FLT1: variants seen among roughly 807,000 people sequenced by gnomAD.
FLT1 encodes fms related receptor tyrosine kinase 1, also known as vascular endothelial growth factor receptor 1.
A neutral mutation model predicts 156.3 loss-of-function variants in FLT1; 49 were observed. The observed-to-expected ratio is 0.31, with a 90% CI of 0.25 to 0.40. The LOEUF is 0.40. Ranked by LOEUF, FLT1 falls within the 10% of genes least tolerant of loss-of-function variation. The pLI is 1.00. For synonymous variants in FLT1, 594 were observed against 583.8 expected (o/e 1.02, Z -0.25); for missense variants, 1,322 against 1,637.2 (o/e 0.81, Z 3.32).
At chr13:28,483,225 T>C (rs2137659242) in intron 1 of FLT1, among the ~76,000 whole-genome samples, 1 of 152,326 alleles carries the variant, frequency 6.6e-6, no homozygotes, top group East Asian at 1.9e-4. Flanking sequence ...AGATGCAGTG[T>C]TGTTGCCAGA....
intron 16 of FLT1, among the ~76,000 whole-genome samples, chr13:28,340,805 G>A (rs534866983): frequency 1.1e-4 from 16 of 152,336 alleles, no homozygotes; most frequent in African/African-American, 3.6e-4. Context: ...GCTCAAGGCA[G>A]AAAGGTTTGC....
chr13:28,311,859 A>G (rs1378614025), intron 26 of FLT1, 127 bp from the exon 27 acceptor site: 2 of 1,111,902 alleles, frequency 1.8e-6, no homozygotes, highest in Non-Finnish European at 2.7e-6. Flanking sequence ...ATAATTCTGT[A>G]TACACACACA....
intron 1 of FLT1, among the ~76,000 whole-genome samples, chr13:28,471,000 A>C (rs1000494696): frequency 8.5e-5 from 13 of 152,118 alleles, no homozygotes; most frequent in African/African-American, 3.1e-4. Flanking sequence ...AAGAAGTGCT[A>C]TTTAGAGAAG....
At chr13:28,460,665 C>T (rs1400748658) in intron 3 of FLT1, among the ~76,000 whole-genome samples, 1 of 138,430 alleles carries the variant, frequency 7.2e-6, no homozygotes, top group Non-Finnish European at 1.6e-5. Flanking sequence ...CCCCCCACCC[C>T]ACCCCCCCAA....
chr13:28,329,065 C>G (rs1871814934), intron 19 of FLT1, among the ~76,000 whole-genome samples: 1 of 152,188 alleles, frequency 6.6e-6, no homozygotes, highest in South Asian at 2.1e-4. Flanking sequence ...CTTGCTGGCT[C>G]AAACAATGAT....
At chr13:28,443,621 A>G in intron 3 of FLT1, among the ~76,000 whole-genome samples, 1 of 152,154 alleles carries the variant, frequency 6.6e-6, no homozygotes. Context: ...GGAGGGTATG[A>G]TTTTCATTTA....
intron 28 of FLT1, chr13:28,308,225 G>C (rs1308558399): frequency 1.3e-5 from 2 of 158,908 alleles, no homozygotes; most frequent in African/African-American, 4.8e-5. Flanking sequence ...AGATCACAGT[G>C]AGTCCCAGAG....
chr13:28,451,584 C>G (rs1278306519), intron 3 of FLT1, among the ~76,000 whole-genome samples: 1 of 151,144 alleles, frequency 6.6e-6, no homozygotes, highest in Non-Finnish European at 1.5e-5. Flanking sequence ...AGGACAGCCC[C>G]GATGCATTCC....
At chr13:28,335,138 A>G (rs1167848152) in intron 17 of FLT1, among the ~76,000 whole-genome samples, 1 of 152,172 alleles carries the variant, frequency 6.6e-6, no homozygotes, top group Non-Finnish European at 1.5e-5. Flanking sequence ...CCTTTTGCAC[A>G]TCAGGAAACA....
At chr13:28,491,016 A>C (rs1593854358) in intron 1 of FLT1, among the ~76,000 whole-genome samples, 1 of 152,204 alleles carries the variant, frequency 6.6e-6, no homozygotes, top group Non-Finnish European at 1.5e-5. Context: ...AGCACTACAG[A>C]AGCTACTTAC....
At chr13:28,492,799 G>C (rs1054163089) in intron 1 of FLT1, among the ~76,000 whole-genome samples, 1 of 152,196 alleles carries the variant, frequency 6.6e-6, no homozygotes, top group Admixed American at 6.5e-5. Context: ...TGAGATGCTT[G>C]TTAACCAGAC....
rs58958637 is a variant in FLT1 at position 28,303,503 on chromosome 13, C to CA, written c.3816-136_3816-135insT. 6.1e-5 allele frequency: 46 copies of CA among 760,118 alleles called. No individual in the cohort carries two copies. In the East Asian group the frequency reaches 7.2e-4, roughly 12 times the overall value. 47.1% of individuals were successfully genotyped at this position (760,118 alleles called of 1,614,324 possible). On this transcript the variant is annotated intron_variant, in intron 29 of 29. Transcript: ENST00000282397. Reference sequence around the variant, plus strand: ...TTCATGGTTTTGGAACCCCCCCCCCCTCAATTGCTGTCAGATTTCCTCTGT... The same window carrying CA: ...TTCATGGTTTTGGAACCCCCCCCCCCATCAATTGCTGTCAGATTTCCTCTGT...
At chr13:28,319,274 A>G in intron 24 of FLT1, 149 bp downstream of exon 24, 2 of 677,316 alleles carry the variant, frequency 3.0e-6, no homozygotes, top group Non-Finnish European at 5.4e-6. Context: ...GCCATTACTC[A>G]TCTGAGAGTC....
chr13:28,448,452 T>C (rs1434680457), intron 3 of FLT1, among the ~76,000 whole-genome samples: 2 of 152,244 alleles, frequency 1.3e-5, no homozygotes. Context: ...TGCTGATACA[T>C]GCATGATACA....
intron 10 of FLT1, among the ~76,000 whole-genome samples, chr13:28,414,337 A>G (rs1290524195): frequency 6.6e-6 from 1 of 152,222 alleles, no homozygotes; most frequent in South Asian, 2.1e-4. Flanking sequence ...CTGCTTAGTT[A>G]TGTATTGTCC....
chr13:28,491,227 G>A (rs954569932), intron 1 of FLT1, among the ~76,000 whole-genome samples: 1 of 152,036 alleles, frequency 6.6e-6, no homozygotes, highest in Admixed American at 6.5e-5. Flanking sequence ...GAAATGTCTC[G>A]ATCATTTTTG....
intron 12 of FLT1, among the ~76,000 whole-genome samples, chr13:28,393,319 T>C (rs1247762523): frequency 1.3e-5 from 2 of 152,128 alleles, no homozygotes; most frequent in Middle Eastern, 3.2e-3. Context: ...ATTAAGTTCA[T>C]GAAAGGGACA....
At chr13:28,472,255 C>T (rs1415104998) in intron 1 of FLT1, among the ~76,000 whole-genome samples, 5 of 152,222 alleles carry the variant, frequency 3.3e-5, no homozygotes, top group African/African-American at 4.8e-5. Flanking sequence ...TTTTCTTTGA[C>T]TTCATTGGGA....
At chr13:28,334,456 T>A (rs1185642284) in intron 17 of FLT1, among the ~76,000 whole-genome samples, 1 of 152,216 alleles carries the variant, frequency 6.6e-6, no homozygotes, top group African/African-American at 2.4e-5. Context: ...CATTGTTTAA[T>A]AACATTATGA....
Sources: allele counts gnomAD v4.1 joint callset (sites outside exome capture counted in the v4.1 genomes callset), GRCh38; gene constraint gnomAD v4.1.1; transcripts MANE v1.5; gene names NCBI Gene and HGNC (gene_info 2026-07-23, HGNC 2026-07-21).